Variants in FARP2 observed in about 807,000 individuals in gnomAD.
FARP2 encodes FERM, ARH/RhoGEF and pleckstrin domain protein 2.
In FARP2, 111 loss-of-function variants were observed where a neutral mutation model predicts 130.5. The ratio of observed to expected loss-of-function variants is 0.85; its 90% CI spans 0.73 to 1.00. The LOEUF (loss-of-function observed/expected upper bound fraction) is 1.00, where lower values mean the gene tolerates loss of function less well. FARP2 is among the 50% of genes least tolerant of loss of function. The probability of loss-of-function intolerance (pLI) is 0.00; values close to 1 mark genes in which losing one functional copy is unlikely to be tolerated. For synonymous variants in FARP2, 504 were observed against 516.9 expected (o/e 0.98, Z 0.34); for missense variants, 1,385 against 1,346.3 (o/e 1.03, Z -0.45).
At chr2:241,424,173 C>T (rs1453148583) in intron 8 of FARP2, among the ~76,000 whole-genome samples, 1 of 152,194 alleles carries the variant, frequency 6.6e-6, no homozygotes, top group African/African-American at 2.4e-5. Flanking sequence ...TTCTCATCAC[C>T]ACATGGCACT....
At chr2:241,456,487 C>A in intron 13 of FARP2, 1 of 394,336 alleles carries the variant, frequency 2.5e-6, no homozygotes. Flanking sequence ...GGTATCCAGG[C>A]CCCCCTAGAG....
At chr2:241,384,111 C>A (rs1038027934) in intron 2 of FARP2, among the ~76,000 whole-genome samples, 2 of 151,384 alleles carry the variant, frequency 1.3e-5, no homozygotes, top group African/African-American at 4.8e-5. Context: ...CTAGTGGAAG[C>A]CTTTGGGTGA....
At chr2:241,486,921 A>C (rs1371015624) in intron 21 of FARP2, among the ~76,000 whole-genome samples, 1 of 152,126 alleles carries the variant, frequency 6.6e-6, no homozygotes, top group Non-Finnish European at 1.5e-5. Flanking sequence ...ACTCTTCCCA[A>C]GTGGGTAAGG....
At chr2:241,456,115 G>A (rs1026614968) in intron 13 of FARP2, among the ~76,000 whole-genome samples, 2 of 151,910 alleles carry the variant, frequency 1.3e-5, no homozygotes, top group Admixed American at 1.3e-4. Flanking sequence ...TGCAAATTTG[G>A]CACCTATTTA....
At chr2:241,469,566 T>C (rs6711704) in intron 18 of FARP2, among the ~76,000 whole-genome samples, 29,925 of 152,228 alleles carry the variant, frequency 0.2, 3,163 homozygotes, top group Middle Eastern at 0.26. Context: ...AAAGAAAATG[T>C]TTCATGTTTG....
intron 14 of FARP2, among the ~76,000 whole-genome samples, chr2:241,458,710 G>A (rs1446286363): frequency 6.6e-6 from 1 of 152,124 alleles, no homozygotes; most frequent in Non-Finnish European, 1.5e-5. Context: ...CAAGCAGTCT[G>A]TTATTAAGAC....
chr2:241,397,342 AAAAT>A lies in FARP2; in HGVS notation c.184-6474_184-6471del, dbSNP rs940254814. 9.8e-5 allele frequency among the ~76,000 whole-genome samples: 15 copies of A among 152,300 alleles called. 2 individuals are homozygous for A. The highest frequency in any genetic ancestry group is 3.1e-4 in the African/African-American group (13 of 41,548). On this transcript the variant is annotated intron_variant, in intron 2 of 26. Coordinates refer to ENST00000264042, the MANE Select transcript of FARP2 (RefSeq NM_014808.4). ...TAAAACTTAAAGTATAATAATAATA[AAAAT>A]AAATAAATAAACTAGATTGATGTGT...
At chr2:241,491,975 C>G (rs899845402) in intron 24 of FARP2, among the ~76,000 whole-genome samples, 3 of 152,164 alleles carry the variant, frequency 2.0e-5, no homozygotes, top group African/African-American at 7.2e-5. Flanking sequence ...CAGACACATC[C>G]CCTGCAGCCC....
At chr2:241,479,066 G>A in intron 19 of FARP2, 1 of 514,122 alleles carries the variant, frequency 1.9e-6, no homozygotes, top group Non-Finnish European at 3.5e-6. Context: ...TGTCCAGGAA[G>A]CTTGGCTGCG....
intron 24 of FARP2, among the ~76,000 whole-genome samples, chr2:241,491,964 C>A (rs2064930696): frequency 6.6e-6 from 1 of 152,130 alleles, no homozygotes; most frequent in African/African-American, 2.4e-5. Context: ...AAAAGCCTTC[C>A]CAGACACATC....
intron 5 of FARP2, among the ~76,000 whole-genome samples, chr2:241,410,340 A>C (rs2062481162): frequency 6.6e-6 from 1 of 152,150 alleles, no homozygotes; most frequent in South Asian, 2.1e-4. Flanking sequence ...TAACAGAAGT[A>C]ATGTGAATTT....
intron 18 of FARP2, among the ~76,000 whole-genome samples, chr2:241,470,704 T>C (rs1162979759): frequency 3.3e-5 from 5 of 150,904 alleles, no homozygotes; most frequent in Admixed American, 3.3e-4. Context: ...GGGGATGCAC[T>C]CTGAGGGGAT....
chr2:241,455,577 T>C (rs2043507645), intron 13 of FARP2, among the ~76,000 whole-genome samples: 1 of 151,496 alleles, frequency 6.6e-6, no homozygotes, highest in Admixed American at 6.6e-5. Flanking sequence ...GGATGGAGTT[T>C]CACCATGTTG....
chr2:241,475,949 G>T lies in FARP2; in HGVS notation c.2224G>T (p.Asp742Tyr), dbSNP rs1445535652. Residue 742 changes from aspartate (D) to tyrosine (Y), a missense_variant, in exon 19 of 27, where the codon GAC becomes TAC. By Grantham distance (160) the Asp-to-Tyr change is radical. Transcript: ENST00000264042. This position sits in a 1 kb window ranked among gnomAD's most constrained non-coding sequence, Gnocchi z 4.4. ...NLQKLTELQR[D>Y]LVGIENLIAP... The stretch of plus-strand genomic sequence containing the variant: ...GCAGAAGCTAACGGAGCTGCAGCGG[G>T]ACCTGGTGGGCATAGAGAACCTCAT... The T allele has an allele frequency of 4.3e-6, 7 of 1,614,006 alleles. 1 individual carries two copies. In the Admixed American group the frequency reaches 6.7e-5, roughly 15 times the overall value.
intron 17 of FARP2, chr2:241,466,216 G>T (rs899024930): frequency 2.1e-5 from 21 of 985,328 alleles, no homozygotes; most frequent in Non-Finnish European, 2.5e-5. Context: ...TTCCCCCAGA[G>T]CCCGGGCCCC....
At chr2:241,425,080 G>A (rs1411385229) in intron 8 of FARP2, among the ~76,000 whole-genome samples, 15 of 152,146 alleles carry the variant, frequency 9.9e-5, no homozygotes, top group Admixed American at 9.8e-4. Context: ...GATAGTGGGT[G>A]CCTATAACCC....
At chr2:241,428,662 A>G (rs1208572661) in intron 8 of FARP2, among the ~76,000 whole-genome samples, 3 of 151,872 alleles carry the variant, frequency 2.0e-5, no homozygotes, top group Non-Finnish European at 4.4e-5. Flanking sequence ...TGTGTATGCC[A>G]TAAAATTCAC....
rs548644998 is a variant in FARP2 at position 241,366,173 on chromosome 2, CAG to C, written c.-24-6908_-24-6907del. Among the ~76,000 whole-genome samples, 413 of 88,146 alleles carry C rather than the reference CAG, an allele frequency of 4.7e-3. 6 individuals are homozygous for C. Among genetic ancestry groups the C allele is most frequent in the East Asian group, 0.016 (57 of 3,508 alleles). The allele number at this position is 88,146 out of a possible 152,430, so 57.8% of individuals were successfully genotyped here. A position where few individuals can be genotyped will look rare whatever the true frequency, so the allele number is the denominator to read the frequency against. On this transcript the variant is annotated intron_variant, in intron 1 of 26. Coordinates refer to ENST00000264042, the MANE Select transcript of FARP2 (RefSeq NM_014808.4). ...CATATATATTTTCTTCCTCTTTTAA[CAG>C]AGGTTAGCATGCCATGCACCTGGTT... is the stretch of plus-strand genomic sequence containing the variant.
chr2:241,465,383 C>A, intron 17 of FARP2: 1 of 1,139,494 alleles, frequency 8.8e-7, no homozygotes, highest in East Asian at 2.6e-5. Context: ...GCAGAGTCCC[C>A]ATAGCTGCTG....
Sources: allele counts gnomAD v4.1 joint callset (sites outside exome capture counted in the v4.1 genomes callset), GRCh38; gene constraint gnomAD v4.1.1; non-coding constraint Gnocchi (gnomAD v3.1); transcripts MANE v1.5; gene names NCBI Gene and HGNC (gene_info 2026-07-23, HGNC 2026-07-21).